LAMB3: variants seen among roughly 807,000 people sequenced by gnomAD.
LAMB3 encodes the protein laminin subunit beta 3, also known as laminin subunit beta-3.
In LAMB3, 104 loss-of-function variants were observed where a neutral mutation model predicts 140.3. The ratio of observed to expected loss-of-function variants is 0.74; its 90% CI spans 0.63 to 0.87. The LOEUF (loss-of-function observed/expected upper bound fraction) is 0.87, where lower values mean the gene tolerates loss of function less well. LAMB3 is among the 40% of genes least tolerant of loss of function. The pLI is 0.00. For missense variants in LAMB3, 1,531 were observed against 1,575.2 expected (o/e 0.97, Z 0.47); for synonymous variants, 592 against 602.9 (o/e 0.98, Z 0.26).
At position 209,632,754 on chromosome 1, in the gene LAMB3, C is replaced by T; in HGVS notation, c.651G>A (p.Leu217=). 1 of 1,614,190 alleles carries T rather than the reference C, an allele frequency of 6.2e-7. No homozygotes were observed. The highest frequency in any genetic ancestry group is 1.1e-5 in the South Asian group (1 of 91,084). The change falls in exon 8 of 23, where the codon TTG becomes TTA. Residue 217 remains leucine (L), a synonymous_variant. Coordinates refer to ENST00000356082, the MANE Select transcript of LAMB3 (RefSeq NM_000228.3). ...KIQEVGEITN[L]RVNFTRLAPV... ...GGGCCAGCCTGGTGAAATTGACTCT[C>T]AAGTTTGTGATCTCCCCCACCTCTG...
chr1:209,616,737 A>G, intron 21 of LAMB3, 113 bp from the exon 22 acceptor site: 1 of 1,001,896 alleles, frequency 1.0e-6, no homozygotes, highest in Non-Finnish European at 1.5e-6. Flanking sequence ...GGTGCCTCCT[A>G]TTAGCCCCCA....
In LAMB3 at chr1:209,622,692, CA is replaced by C; in HGVS notation, c.2557-13del. The C allele has an allele frequency of 5.0e-6, 8 of 1,614,102 alleles. No homozygotes were observed. Among genetic ancestry groups the C allele is most frequent in the Non-Finnish European group, 6.8e-6 (8 of 1,180,016 alleles). The stretch of plus-strand genomic sequence containing the variant: ...TCGGCTGCCCTAATCTGTTGACATA[CA>C]CTCTAGGTCAGAAGGGGTAAGGCCC... On this transcript the variant is annotated splice_polypyrimidine_tract_variant and intron_variant, in intron 17 of 22. Coordinates refer to ENST00000356082, the MANE Select transcript of LAMB3 (RefSeq NM_000228.3).
chr1:209,617,041 T>A (rs1169484421), intron 21 of LAMB3, among the ~76,000 whole-genome samples: 1 of 152,180 alleles, frequency 6.6e-6, no homozygotes, highest in African/African-American at 2.4e-5. Flanking sequence ...CTGACAATCA[T>A]GGAGCCCAGG....
intron 8 of LAMB3, among the ~76,000 whole-genome samples, chr1:209,631,213 C>T (rs755417114): frequency 2.0e-5 from 3 of 152,214 alleles, no homozygotes; most frequent in Non-Finnish European, 4.4e-5. Context: ...CTGTTGCGTG[C>T]TAATTGCCTT....
intron 9 of LAMB3, 47 bp from the exon 10 acceptor site, chr1:209,629,972 T>C: frequency 1.3e-6 from 2 of 1,570,334 alleles, no homozygotes; most frequent in Middle Eastern, 1.9e-4. Flanking sequence ...ACACCTTTGC[T>C]ATCTACAGAG....
chr1:209,650,548 C>G (rs1313654379), intron 2 of LAMB3, among the ~76,000 whole-genome samples: 1 of 152,236 alleles, frequency 6.6e-6, no homozygotes, highest in Admixed American at 6.5e-5. Context: ...ATCTTCAAAG[C>G]TGCCCCAGCC....
rs151095196 is a variant in LAMB3, at chr1:209,616,147, CT to C, written c.3382+323del. Among the ~76,000 whole-genome samples, 1,494 of 152,296 alleles carry C rather than the reference CT, an allele frequency of 9.8e-3. 17 individuals carry two copies. Among genetic ancestry groups the C allele is most frequent in the African/African-American group, 0.035 (1,434 of 41,552 alleles). ...CCCCAGAACTCTTATTATTCAACCC[CT>C]ATCAGAGACCACCTCATCCTGTTAA... On this transcript the variant is annotated intron_variant, in intron 22 of 22. Coordinates refer to ENST00000356082, the MANE Select transcript of LAMB3 (RefSeq NM_000228.3).
chr1:209,638,009 A>G (rs765493461), intron 4 of LAMB3, 28 bp from the exon 5 acceptor site: 1 of 1,583,082 alleles, frequency 6.3e-7, no homozygotes. Flanking sequence ...AGAAACTGTC[A>G]TCCAGAGACT....
chr1:209,645,150 T>C (rs2076504695), intron 3 of LAMB3, among the ~76,000 whole-genome samples: 1 of 152,242 alleles, frequency 6.6e-6, no homozygotes, highest in South Asian at 2.1e-4. Flanking sequence ...TAGCAATTTT[T>C]CCCTACAATG....
intron 8 of LAMB3, 114 bp from the exon 9 acceptor site, chr1:209,630,849 C>T: frequency 8.2e-7 from 1 of 1,217,708 alleles, no homozygotes; most frequent in Non-Finnish European, 1.2e-6. Flanking sequence ...GCTTAGATCC[C>T]AACCCTTCCA....
chr1:209,637,718 C>T (rs1029312165), intron 5 of LAMB3, among the ~76,000 whole-genome samples, 190 bp downstream of exon 5: 2 of 152,156 alleles, frequency 1.3e-5, no homozygotes, highest in African/African-American at 2.4e-5. Context: ...AACCACTGCA[C>T]GGCCAAGACA....
intron 8 of LAMB3, 90 bp from the exon 9 acceptor site, chr1:209,630,825 C>G: frequency 2.1e-6 from 3 of 1,461,496 alleles, no homozygotes; most frequent in Non-Finnish European, 2.8e-6. Context: ...CCTCTGCGCA[C>G]CACTCAGGAT....
intron 18 of LAMB3, among the ~76,000 whole-genome samples, chr1:209,620,274 G>C (rs969219127): frequency 6.6e-6 from 1 of 152,190 alleles, no homozygotes; most frequent in Non-Finnish European, 1.5e-5. Flanking sequence ...AATCTAATGG[G>C]AGACAGGCAC....
At chr1:209,628,510 C>G (rs763037387) in intron 10 of LAMB3, among the ~76,000 whole-genome samples, 14 of 152,234 alleles carry the variant, frequency 9.2e-5, no homozygotes, top group Non-Finnish European at 2.1e-4. Context: ...CCAACCTGAC[C>G]AACATGGTGA....
Position 209,641,914 on chromosome 1 carries a change from C to T in LAMB3, c.184-3266G>A, listed in dbSNP as rs75245157. ...TCCACTCCCGTCCTCTGTCTGCACT[C>T]AGCACATGTCCTGAGGAGAGACAAG... On this transcript the variant is annotated intron_variant, in intron 3 of 22. Coordinates refer to ENST00000356082, the MANE Select transcript of LAMB3 (RefSeq NM_000228.3). 5.4e-3 allele frequency among the ~76,000 whole-genome samples: 824 copies of T among 152,292 alleles called. 13 individuals carry two copies. The highest frequency in any genetic ancestry group is 0.019 in the African/African-American group (795 of 41,560).
Position 209,618,521 on chromosome 1 carries a change from A to G in LAMB3, c.2840T>C (p.Leu947Ser). The change falls in exon 19 of 23, where the codon TTG (leucine) becomes TCG (serine). Residue 947 changes from leucine to serine, a missense_variant. Leu to Ser is a moderately radical substitution (Grantham distance 145). Transcript: ENST00000356082. ...GTCCTGCTTGGTCTGGGACAGCACC[A>G]AGTCCACGTTGGGGAGCCTGGCTGC... ...AIAARLPNVD[L>S]VLSQTKQDIA... is the part of the protein sequence containing the mutation. The G allele has an allele frequency of 6.2e-7, 1 of 1,614,256 alleles. No individual in the cohort carries two copies. Among genetic ancestry groups the G allele is most frequent in the Non-Finnish European group, 8.5e-7 (1 of 1,180,046 alleles).
intron 1 of LAMB3, chr1:209,651,359 T>C: frequency 3.8e-6 from 1 of 262,682 alleles, no homozygotes. Flanking sequence ...AAGACCTAGT[T>C]CCAGCCCCAA....
intron 18 of LAMB3, chr1:209,618,930 G>T: frequency 3.7e-6 from 2 of 538,022 alleles, no homozygotes; most frequent in South Asian, 4.0e-5. Context: ...AGTGTCTGGT[G>T]CCACAGGAAG....
At chr1:209,622,423 G>T (rs921330400) in intron 18 of LAMB3, 113 bp downstream of exon 18, 1 of 1,289,358 alleles carries the variant, frequency 7.8e-7, no homozygotes, top group Non-Finnish European at 1.1e-6. Flanking sequence ...GTGGAGGCCT[G>T]GATGTTGCAG....
Sources: gnomAD v4.1 joint callset for allele counts (sites outside exome capture counted in the v4.1 genomes callset) on GRCh38, gnomAD v4.1.1 for gene constraint, MANE v1.5 for transcripts, NCBI Gene and HGNC (gene_info 2026-07-23, HGNC 2026-07-21) for gene names.